ANO2: variants seen among roughly 807,000 people sequenced by gnomAD.
The protein encoded by ANO2 is anoctamin-2.
A neutral mutation model predicts 124.2 loss-of-function variants in ANO2; 101 were observed. The ratio of observed to expected loss-of-function variants is 0.81; its 90% confidence interval spans 0.69 to 0.96. The LOEUF is 0.96. Ranked by LOEUF, ANO2 falls within the 40% of genes least tolerant of loss-of-function variation. The pLI is 0.00. For synonymous variants in ANO2, 486 were observed against 482.5 expected (o/e 1.01, Z -0.09); for missense variants, 1,293 against 1,274.5 (o/e 1.01, Z -0.22).
intron 12 of ANO2, among the ~76,000 whole-genome samples, chr12:5,741,732 A>T (rs779213317): frequency 6.6e-6 from 1 of 152,206 alleles, no homozygotes; most frequent in Non-Finnish European, 1.5e-5. Context: ...ATGCACACTC[A>T]ATCACATGTC....
At chr12:5,762,179 G>A (rs544951544) in intron 10 of ANO2, among the ~76,000 whole-genome samples, 99 of 151,910 alleles carry the variant, frequency 6.5e-4, no homozygotes, top group Non-Finnish European at 1.2e-3. Flanking sequence ...ATGGGTATTC[G>A]TTGCATATCT....
intron 13 of ANO2, 174 bp from the exon 14 acceptor site, chr12:5,732,804 G>GA: frequency 6.2e-7 from 1 of 1,605,908 alleles, no homozygotes; most frequent in Non-Finnish European, 8.5e-7. Context: ...CCTAACATAA[G>GA]AACACAACGT....
intron 15 of ANO2, among the ~76,000 whole-genome samples, chr12:5,642,238 T>C (rs2136949168): frequency 6.6e-6 from 1 of 152,266 alleles, no homozygotes; most frequent in Non-Finnish European, 1.5e-5. Flanking sequence ...ACTTGGTCCT[T>C]GGAAATTTTC....
chr12:5,800,329 T>C (rs146832346), intron 9 of ANO2, among the ~76,000 whole-genome samples: 173 of 152,352 alleles, frequency 1.1e-3, no homozygotes, highest in African/African-American at 4.0e-3. Context: ...TTGCAGGTCA[T>C]GCTAAAATCT....
chr12:5,937,409 T>C (rs185810365), intron 1 of ANO2, among the ~76,000 whole-genome samples: 1 of 152,328 alleles, frequency 6.6e-6, no homozygotes, highest in Non-Finnish European at 1.5e-5. Flanking sequence ...ATTAGGTTAT[T>C]TGTATTTTTG....
intron 3 of ANO2, among the ~76,000 whole-genome samples, chr12:5,912,134 A>G (rs535486984): frequency 6.6e-5 from 10 of 152,196 alleles, no homozygotes; most frequent in Non-Finnish European, 1.3e-4. Flanking sequence ...GACTCCAGAC[A>G]TAAAGGACTT....
intron 14 of ANO2, among the ~76,000 whole-genome samples, chr12:5,684,168 C>G (rs1251807306): frequency 6.6e-6 from 1 of 152,180 alleles, no homozygotes; most frequent in African/African-American, 2.4e-5. Flanking sequence ...TGGGGCTCCT[C>G]TGCTCGCCAT....
At chr12:5,725,367 C>A (rs942681249) in intron 14 of ANO2, among the ~76,000 whole-genome samples, 6 of 152,138 alleles carry the variant, frequency 3.9e-5, no homozygotes, top group African/African-American at 1.4e-4. Context: ...AACCTCCAAC[C>A]AAGGACCCCA....
At chr12:5,852,128 C>T (rs565908941) in intron 4 of ANO2, among the ~76,000 whole-genome samples, 1 of 152,054 alleles carries the variant, frequency 6.6e-6, no homozygotes, top group Non-Finnish European at 1.5e-5. Flanking sequence ...AAACAGGACC[C>T]CACCAGAAGG....
chr12:5,601,208 C>G (rs929474275), intron 19 of ANO2, among the ~76,000 whole-genome samples: 1 of 152,038 alleles, frequency 6.6e-6, no homozygotes, highest in Non-Finnish European at 1.5e-5. Flanking sequence ...ATAATCTATA[C>G]AGCATGCTTC....
chr12:5,644,209 C>T (rs59707092), intron 15 of ANO2, among the ~76,000 whole-genome samples: 3,438 of 152,224 alleles, frequency 0.023, 133 homozygotes, highest in African/African-American at 0.079. Flanking sequence ...GTGGTGTGAA[C>T]AAGGCCCAGT....
chr12:5,599,448 C>T, intron 20 of ANO2, 36 bp downstream of exon 20: 1 of 1,577,666 alleles, frequency 6.3e-7, no homozygotes, highest in Non-Finnish European at 8.6e-7. Context: ...TTGTCTGAAC[C>T]TGCCCCCAGT....
chr12:5,630,189 G>A (rs2136930587), intron 16 of ANO2, among the ~76,000 whole-genome samples: 1 of 152,310 alleles, frequency 6.6e-6, no homozygotes, highest in South Asian at 2.1e-4. Flanking sequence ...GGTGAGCAAA[G>A]CGTATACTCA....
Position 5,796,593 on chromosome 12 carries a change from C to A in ANO2, c.1055+2914G>T, listed in dbSNP as rs140523397. On this transcript the variant is annotated intron_variant, in intron 10 of 24. Coordinates refer to ENST00000682330, the MANE Select transcript of ANO2 (RefSeq NM_001364791.2). ...CACACACACACTCAGGCCTGCAGGC[C>A]CCAGGTCTCCAGAGCAGAGGCAGGA... Among the ~76,000 whole-genome samples the A allele has an allele frequency of 4.8e-3, 733 of 152,250 alleles. 9 individuals are homozygous for A. Among genetic ancestry groups the A allele is most frequent in the African/African-American group, 0.017 (696 of 41,548 alleles).
At chr12:5,800,954 G>A (rs1485798725) in intron 9 of ANO2, among the ~76,000 whole-genome samples, 1 of 152,190 alleles carries the variant, frequency 6.6e-6, no homozygotes, top group African/African-American at 2.4e-5. Flanking sequence ...AGGTCAAGAG[G>A]GTGATGAAGA....
intron 9 of ANO2, among the ~76,000 whole-genome samples, chr12:5,803,991 C>T (rs1045034704): frequency 1.3e-5 from 2 of 152,090 alleles, no homozygotes; most frequent in Non-Finnish European, 2.9e-5. Flanking sequence ...GCAGGATGGG[C>T]AGGTTGGGAC....
intron 14 of ANO2, among the ~76,000 whole-genome samples, chr12:5,701,720 G>A (rs760039061): frequency 5.9e-5 from 9 of 152,104 alleles, no homozygotes; most frequent in Non-Finnish European, 1.3e-4. Flanking sequence ...GCATTGAAAC[G>A]GGTGTCATTG....
intron 4 of ANO2, among the ~76,000 whole-genome samples, chr12:5,853,836 T>C (rs1954998378): frequency 6.6e-6 from 1 of 151,734 alleles, no homozygotes; most frequent in South Asian, 2.1e-4. Context: ...TGCTCTGAGG[T>C]GGGAGGATCT....
intron 15 of ANO2, among the ~76,000 whole-genome samples, chr12:5,647,015 T>C (rs1946672641): frequency 6.6e-6 from 1 of 152,146 alleles, no homozygotes; most frequent in South Asian, 2.1e-4. Context: ...GAGCTGTGAG[T>C]ACACACACTC....
Sources: allele counts gnomAD v4.1 joint callset (sites outside exome capture counted in the v4.1 genomes callset), GRCh38; gene constraint gnomAD v4.1.1; transcripts MANE v1.5; gene names NCBI Gene and HGNC (gene_info 2026-07-23, HGNC 2026-07-21).